The following CACNA1E variants were observed in gnomAD, a reference collection of about 807,000 sequenced individuals.
CACNA1E encodes the protein voltage-dependent R-type calcium channel subunit alpha-1E.
CACNA1E carries 40 observed loss-of-function variants against 259.2 expected under a neutral mutation model. That is an observed-to-expected ratio of 0.15 (90% CI 0.12 to 0.20). The LOEUF is 0.20. Among genes scored for constraint, CACNA1E ranks in the 10% least tolerant of loss-of-function variants. The probability of loss-of-function intolerance (pLI) is 1.00; values close to 1 mark genes in which losing one functional copy is unlikely to be tolerated. For synonymous variants in CACNA1E, 1,104 were observed against 1,138.5 expected (o/e 0.97, Z 0.61); for missense variants, 1,874 against 3,040.1 (o/e 0.62, Z 9.02).
intron 1 of CACNA1E, among the ~76,000 whole-genome samples, chr1:181,498,256 A>T (rs2102549120): frequency 6.6e-6 from 1 of 152,322 alleles, no homozygotes; most frequent in East Asian, 1.9e-4. Flanking sequence ...AGACTCTTAT[A>T]TCCTGATAAA....
At chr1:181,656,207 A>G (rs1659193643) in intron 7 of CACNA1E, among the ~76,000 whole-genome samples, 1 of 152,224 alleles carries the variant, frequency 6.6e-6, no homozygotes, top group Non-Finnish European at 1.5e-5. Context: ...AGTCTGAGGC[A>G]GGTTCCTCAG....
chr1:181,651,239 T>G, intron 6 of CACNA1E, 99 bp from the exon 7 acceptor site: 1 of 761,014 alleles, frequency 1.3e-6, no homozygotes, highest in Non-Finnish European at 2.3e-6. Context: ...CTGTATTGCA[T>G]TGTGGTTTTT....
chr1:181,714,549 G>A (rs955939053), intron 8 of CACNA1E, among the ~76,000 whole-genome samples: 1 of 152,054 alleles, frequency 6.6e-6, no homozygotes, highest in African/African-American at 2.4e-5. Context: ...TGGGAGTAGG[G>A]GGAGGCTGAA....
At chr1:181,744,284 AATTT>A (rs1248151062) in intron 25 of CACNA1E, among the ~76,000 whole-genome samples, 1 of 152,184 alleles carries the variant, frequency 6.6e-6, no homozygotes, top group Admixed American at 6.5e-5. Context: ...AGGCATGGAC[AATTT>A]TAGATTTGGA....
chr1:181,481,582 CTCCTT>C (rs1162461729), upstream of CACNA1E, among the ~76,000 whole-genome samples: 1 of 152,244 alleles, frequency 6.6e-6, no homozygotes. Flanking sequence ...TCCTCAGCCC[CTCCTT>C]TCCTTCTTCC....
intron 3 of CACNA1E, among the ~76,000 whole-genome samples, chr1:181,574,203 C>T (rs1029108560): frequency 1.3e-5 from 2 of 152,132 alleles, no homozygotes; most frequent in Non-Finnish European, 2.9e-5. Context: ...ACCTAGGTCA[C>T]GGGTTGATAG....
At chr1:181,738,785 A>G (rs771284434) in intron 24 of CACNA1E, among the ~76,000 whole-genome samples, 3 of 152,186 alleles carry the variant, frequency 2.0e-5, no homozygotes, top group Non-Finnish European at 4.4e-5. Flanking sequence ...GGCTTCATCT[A>G]GTCCCAGCCA....
At chr1:181,686,274 AGTT>A (rs371027239) in intron 7 of CACNA1E, among the ~76,000 whole-genome samples, 1 of 99,628 alleles carries the variant, frequency 1.0e-5, no homozygotes, top group Non-Finnish European at 2.1e-5. Context: ...GTAAGAACCA[AGTT>A]TTTTTTTTTT....
intron 6 of CACNA1E, among the ~76,000 whole-genome samples, chr1:181,595,580 T>A (rs1653078362): frequency 6.6e-6 from 1 of 152,198 alleles, no homozygotes; most frequent in Admixed American, 6.5e-5. Context: ...TGTGACAGGT[T>A]CTTTTTCCTT....
chr1:181,364,701 A>AG (rs1654138415), intron 1 of CACNA1E, among the ~76,000 whole-genome samples: 1 of 152,226 alleles, frequency 6.6e-6, no homozygotes, highest in East Asian at 1.9e-4. Flanking sequence ...AGGGGACAGA[A>AG]TTCCGAGTGG....
At chr1:181,642,964 A>G (rs1449170397) in intron 6 of CACNA1E, among the ~76,000 whole-genome samples, 3 of 152,222 alleles carry the variant, frequency 2.0e-5, no homozygotes, top group Admixed American at 6.5e-5. Flanking sequence ...AAATATAAAA[A>G]TAATTTTTAA....
At chr1:181,687,470 C>T (rs1437057997) in intron 7 of CACNA1E, among the ~76,000 whole-genome samples, 1 of 152,158 alleles carries the variant, frequency 6.6e-6, no homozygotes. Context: ...GTTACACGCA[C>T]AGCTCAGGAA....
chr1:181,584,340 T>C (rs1651844330), intron 6 of CACNA1E, among the ~76,000 whole-genome samples: 1 of 152,246 alleles, frequency 6.6e-6, no homozygotes, highest in Admixed American at 6.5e-5. Context: ...TTTGCAGGTA[T>C]GCTTTCCGCA....
chr1:181,413,495 G>A (rs1419615541), exon 2 of CACNA1E: 1 of 152,488 alleles, frequency 6.6e-6, no homozygotes, highest in Non-Finnish European at 1.5e-5. Context: ...GCGGCGCGGG[G>A]GCCTCATCGA....
intron 6 of CACNA1E, among the ~76,000 whole-genome samples, chr1:181,583,820 T>G (rs919977059): frequency 6.6e-6 from 1 of 152,068 alleles, no homozygotes; most frequent in Non-Finnish European, 1.5e-5. Flanking sequence ...CTTCCCTCCC[T>G]CCTCTGGTGG....
intron 6 of CACNA1E, among the ~76,000 whole-genome samples, chr1:181,581,990 C>T (rs1464312945): frequency 6.6e-6 from 1 of 152,166 alleles, no homozygotes; most frequent in East Asian, 1.9e-4. Context: ...ATAATTTACA[C>T]TGGAGGGAAA....
chr1:181,347,910 G>A (rs1652731233), intron 1 of CACNA1E, among the ~76,000 whole-genome samples: 1 of 152,252 alleles, frequency 6.6e-6, no homozygotes, highest in Admixed American at 6.5e-5. Context: ...AGGTGTAAAA[G>A]GCAATTTGCA....
At chr1:181,704,277 C>T (rs978960012) in intron 7 of CACNA1E, among the ~76,000 whole-genome samples, 3 of 152,092 alleles carry the variant, frequency 2.0e-5, no homozygotes, top group African/African-American at 7.2e-5. Flanking sequence ...AAATGGTTCC[C>T]CAGGCTCGTA....
intron 25 of CACNA1E, among the ~76,000 whole-genome samples, chr1:181,744,901 C>T (rs982161642): frequency 1.3e-5 from 2 of 152,164 alleles, no homozygotes; most frequent in African/African-American, 4.8e-5. Flanking sequence ...AGGAGGCCAG[C>T]TGAAAAGGAA....
Sources: gnomAD v4.1 joint callset for allele counts (sites outside exome capture counted in the v4.1 genomes callset) on GRCh38, gnomAD v4.1.1 for gene constraint, MANE v1.5 for transcripts, NCBI Gene and HGNC (gene_info 2026-07-23, HGNC 2026-07-21) for gene names.